The following ROBO2 variants were observed in gnomAD, a reference collection of about 807,000 sequenced individuals.
ROBO2 encodes roundabout homolog 2.
A neutral mutation model predicts 160.8 loss-of-function variants in ROBO2; 53 were observed. That is an observed-to-expected ratio of 0.33 (90% CI 0.26 to 0.41). ROBO2 has a LOEUF of 0.41. ROBO2 is among the 10% of genes least tolerant of loss of function. The pLI is 1.00. For synonymous variants in ROBO2, 664 were observed against 611.7 expected (o/e 1.09, Z -1.26); for missense variants, 1,577 against 1,722.4 (o/e 0.92, Z 1.49).
chr3:76,210,132 C>T (rs1703052731), intron 2 of ROBO2, among the ~76,000 whole-genome samples: 1 of 152,020 alleles, frequency 6.6e-6, no homozygotes, highest in Non-Finnish European at 1.5e-5. Context: ...ACTCTCCCTT[C>T]TAATATATGT....
chr3:77,404,628 C>T (rs995069707), intron 2 of ROBO2, among the ~76,000 whole-genome samples: 10 of 151,932 alleles, frequency 6.6e-5, no homozygotes, highest in African/African-American at 2.2e-4. Context: ...ACTAAGGTAA[C>T]GTTTTACAGG....
At chr3:77,136,216 A>G (rs964333512) in intron 2 of ROBO2, among the ~76,000 whole-genome samples, 3 of 152,224 alleles carry the variant, frequency 2.0e-5, no homozygotes, top group African/African-American at 7.2e-5. Context: ...AGGCAGTAAG[A>G]TAATTAAGGA....
At chr3:76,752,302 G>T (rs373413639) in intron 2 of ROBO2, among the ~76,000 whole-genome samples, 9 of 151,946 alleles carry the variant, frequency 5.9e-5, no homozygotes, top group Admixed American at 2.0e-4. Flanking sequence ...GTGGGGGTAG[G>T]GGGGAGGGAT....
Position 76,774,881 on chromosome 3 carries a change from T to G in ROBO2, c.110-323133T>G, listed in dbSNP as rs73844061. ...CATCTATTATGGGTCACTTTAAAAA[T>G]AATGGAAAATAGTTTGGATGCAAAG... On this transcript the variant is annotated intron_variant, in intron 2 of 26. Coordinates refer to the ROBO2 transcript ENST00000487694. Among the ~76,000 whole-genome samples, 335 of 149,556 alleles carry G rather than the reference T, an allele frequency of 2.2e-3. 2 individuals are homozygous for G. Among genetic ancestry groups the G allele is most frequent in the African/African-American group, 7.5e-3 (309 of 40,976 alleles).
chr3:77,360,960 A>G (rs2069893483), intron 2 of ROBO2, among the ~76,000 whole-genome samples: 1 of 150,668 alleles, frequency 6.6e-6, no homozygotes, highest in South Asian at 2.1e-4. Context: ...TAATTTGGTG[A>G]TTTTCTTATA....
At chr3:77,162,078 CTT>C (rs1025644860) in intron 2 of ROBO2, among the ~76,000 whole-genome samples, 3 of 151,852 alleles carry the variant, frequency 2.0e-5, no homozygotes, top group Admixed American at 6.6e-5. Context: ...TGAGAGTTAA[CTT>C]ATCATATTTT....
At chr3:76,793,095 G>C (rs2063471712) in intron 2 of ROBO2, among the ~76,000 whole-genome samples, 1 of 151,418 alleles carries the variant, frequency 6.6e-6, no homozygotes, top group African/African-American at 2.4e-5. Flanking sequence ...AGTTGTTTTT[G>C]TATTTGTATC....
At chr3:77,035,458 G>A (rs1021972196), upstream of ROBO2, among the ~76,000 whole-genome samples, 1 of 150,678 alleles carries the variant, frequency 6.6e-6, no homozygotes, top group African/African-American at 2.4e-5. Flanking sequence ...ATAGATTTTG[G>A]ACTCTAAAGG....
At chr3:76,481,581 G>A (rs34050753) in intron 2 of ROBO2, among the ~76,000 whole-genome samples, 7,391 of 152,232 alleles carry the variant, frequency 0.049, 266 homozygotes, top group Non-Finnish European at 0.075. Context: ...GTAGCTATGC[G>A]GAAGCAATAT....
chr3:77,475,546 G>T lies in ROBO2; in HGVS notation c.389-1868G>T, dbSNP rs138954407. On this transcript the variant is annotated intron_variant, in intron 2 of 25. Transcript: ENST00000461745. The stretch of plus-strand genomic sequence containing the variant: ...ACCATTTTTTAGGAGAGCAGATCTG[G>T]AGAAGGCCCTTCAACTGGCCAGCTG... 9.0e-3 allele frequency among the ~76,000 whole-genome samples: 1,369 copies of T among 152,250 alleles called. 11 individuals carry two copies. The highest frequency in any genetic ancestry group is 0.051 in the Middle Eastern group (15 of 294).
At chr3:77,578,585 T>C (rs2153673672) in intron 15 of ROBO2, among the ~76,000 whole-genome samples, 1 of 152,226 alleles carries the variant, frequency 6.6e-6, no homozygotes, top group East Asian at 1.9e-4. Flanking sequence ...AAAGAATAAC[T>C]TGCTAAAGCA....
intron 1 of ROBO2, among the ~76,000 whole-genome samples, chr3:77,058,690 T>G (rs567245342): frequency 1.3e-5 from 2 of 151,728 alleles, no homozygotes; most frequent in South Asian, 4.2e-4. Context: ...CCACCACACT[T>G]GGGTAATTTT....
chr3:76,907,855 T>TGTGTGTGTGTG (rs2075715904), intron 2 of ROBO2, among the ~76,000 whole-genome samples: 14 of 150,710 alleles, frequency 9.3e-5, no homozygotes, highest in South Asian at 4.2e-4. Context: ...TGTGTGTGTG[T>TGTGTGTGTGTG]TTGAGATGGA....
chr3:77,311,850 G>C (rs1580959783), intron 2 of ROBO2, among the ~76,000 whole-genome samples: 1 of 152,280 alleles, frequency 6.6e-6, no homozygotes, highest in South Asian at 2.1e-4. Flanking sequence ...ACTTTGAGAG[G>C]CCGAGGTGGG....
At chr3:76,095,797 A>G (rs11707316) in intron 2 of ROBO2, among the ~76,000 whole-genome samples, 16,452 of 151,408 alleles carry the variant, frequency 0.11, 1,065 homozygotes, top group Non-Finnish European at 0.14. Flanking sequence ...CAAGATAATC[A>G]TCTGGTAAAT....
chr3:76,424,015 G>A (rs1249432916), intron 2 of ROBO2, among the ~76,000 whole-genome samples: 1 of 152,096 alleles, frequency 6.6e-6, no homozygotes, highest in Admixed American at 6.6e-5. Context: ...AAACGTCGAT[G>A]AATCAAGTTC....
intron 2 of ROBO2, among the ~76,000 whole-genome samples, chr3:77,191,160 C>G (rs930427367): frequency 3.9e-5 from 6 of 152,102 alleles, no homozygotes; most frequent in Non-Finnish European, 5.9e-5. Flanking sequence ...ATAGAATACA[C>G]TGTAATACTA....
chr3:77,248,448 G>T (rs2089979899), intron 2 of ROBO2, among the ~76,000 whole-genome samples: 1 of 152,164 alleles, frequency 6.6e-6, no homozygotes, highest in South Asian at 2.1e-4. Flanking sequence ...CCTCCGCTGA[G>T]CTGCTAACAC....
chr3:76,453,866 T>G (rs1324872128), intron 2 of ROBO2, among the ~76,000 whole-genome samples: 3 of 152,152 alleles, frequency 2.0e-5, no homozygotes, highest in Admixed American at 2.0e-4. Flanking sequence ...GCTTGATTCC[T>G]GAACAGAATG....
Sources: gnomAD v4.1 joint callset for allele counts (sites outside exome capture counted in the v4.1 genomes callset) on GRCh38, gnomAD v4.1.1 for gene constraint, MANE v1.5 for transcripts, NCBI Gene and HGNC (gene_info 2026-07-23, HGNC 2026-07-21) for gene names.